NAALADL2: variants seen among roughly 807,000 people sequenced by gnomAD.
The protein encoded by NAALADL2 is inactive N-acetylated-alpha-linked acidic dipeptidase-like protein 2.
Under a neutral mutation model 87.2 loss-of-function variants are expected in NAALADL2, and 76 were observed. That is an observed-to-expected ratio of 0.87 (90% CI 0.72 to 1.05). The LOEUF (loss-of-function observed/expected upper bound fraction) is 1.05, where lower values mean the gene tolerates loss of function less well. NAALADL2 is among the 50% of genes least tolerant of loss of function. NAALADL2 has a pLI of 0.00. For missense variants in NAALADL2, 1,089 were observed against 945.8 expected (o/e 1.15, Z -1.99); for synonymous variants, 354 against 331.0 (o/e 1.07, Z -0.75).
At chr3:174,776,003 T>C (rs1396706334) in intron 3 of NAALADL2, among the ~76,000 whole-genome samples, 2 of 152,256 alleles carry the variant, frequency 1.3e-5, no homozygotes, top group South Asian at 2.1e-4. Context: ...TATTGCATAT[T>C]TATTTGTTGT....
intron 1 of NAALADL2, among the ~76,000 whole-genome samples, chr3:174,957,901 A>T (rs1020322455): frequency 1.6e-4 from 25 of 152,138 alleles, no homozygotes; most frequent in African/African-American, 5.8e-4. Flanking sequence ...TCCTGCCTCA[A>T]CTTGCAAACT....
intron 5 of NAALADL2, among the ~76,000 whole-genome samples, chr3:175,363,634 T>A (rs1287479675): frequency 1.4e-5 from 2 of 148,126 alleles, no homozygotes; most frequent in African/African-American, 4.9e-5. Context: ...TACCTTAATA[T>A]GAAATCATTC....
At chr3:175,648,880 TTC>T (rs1730378672) in intron 11 of NAALADL2, among the ~76,000 whole-genome samples, 1 of 152,242 alleles carries the variant, frequency 6.6e-6, no homozygotes, top group African/African-American at 2.4e-5. Flanking sequence ...GTCATTTGTC[TTC>T]TCTCTTCATA....
intron 9 of NAALADL2, among the ~76,000 whole-genome samples, chr3:175,562,120 T>C (rs1173064512): frequency 1.3e-5 from 2 of 152,152 alleles, no homozygotes; most frequent in African/African-American, 4.8e-5. Flanking sequence ...GAAGAGAGAA[T>C]TTCCAAGGTA....
chr3:175,136,089 G>A (rs1036572455), intron 2 of NAALADL2, among the ~76,000 whole-genome samples: 2 of 152,152 alleles, frequency 1.3e-5, no homozygotes, highest in African/African-American at 4.8e-5. Context: ...TACTCCTTAG[G>A]GTGTAGAGAG....
At chr3:174,516,457 C>T (rs1251922960) in intron 1 of NAALADL2, among the ~76,000 whole-genome samples, 1 of 151,988 alleles carries the variant, frequency 6.6e-6, no homozygotes, top group Non-Finnish European at 1.5e-5. Context: ...CGTTCCACTT[C>T]TGCCTGGTAA....
intron 1 of NAALADL2, among the ~76,000 whole-genome samples, chr3:175,090,543 G>A (rs1047361194): frequency 4.0e-5 from 6 of 149,364 alleles, no homozygotes; most frequent in East Asian, 4.0e-4. Context: ...AAATTTACAC[G>A]AACTGACTGG....
chr3:174,767,815 G>A (rs966574179), intron 3 of NAALADL2, among the ~76,000 whole-genome samples: 1 of 152,164 alleles, frequency 6.6e-6, no homozygotes, highest in African/African-American at 2.4e-5. Context: ...TTGTTTTCCT[G>A]TGAAGTTCCT....
chr3:175,413,806 T>A (rs2149098789), intron 5 of NAALADL2, among the ~76,000 whole-genome samples: 1 of 151,880 alleles, frequency 6.6e-6, no homozygotes, highest in Non-Finnish European at 1.5e-5. Flanking sequence ...ATGGGATAGG[T>A]TAAAAGGTTT....
chr3:174,885,586 C>G (rs1560323860), intron 1 of NAALADL2, among the ~76,000 whole-genome samples: 1 of 152,070 alleles, frequency 6.6e-6, no homozygotes, highest in African/African-American at 2.4e-5. Flanking sequence ...TCAGTGTACT[C>G]CATACTATTA....
chr3:174,611,999 CT>C (rs1209874560), intron 2 of NAALADL2, among the ~76,000 whole-genome samples: 4 of 151,904 alleles, frequency 2.6e-5, no homozygotes, highest in Admixed American at 1.3e-4. Flanking sequence ...AATCCCTCAG[CT>C]TTTCTTTGTC....
chr3:174,711,923 C>T (rs1301792366), intron 2 of NAALADL2, among the ~76,000 whole-genome samples: 2 of 152,068 alleles, frequency 1.3e-5, no homozygotes, highest in Admixed American at 6.6e-5. Context: ...CCTCAGCCTC[C>T]CGAGTAGCTG....
intron 2 of NAALADL2, among the ~76,000 whole-genome samples, chr3:174,667,115 C>G (rs923294372): frequency 6.6e-6 from 1 of 152,094 alleles, no homozygotes; most frequent in African/African-American, 2.4e-5. Context: ...TACCTCTTGG[C>G]TACTGTGAAT....
rs80018027 is a variant in NAALADL2 at position 175,792,031 on chromosome 3, T to C, written c.2190-10974T>C. On this transcript the variant is annotated intron_variant, in intron 13 of 13. Coordinates refer to ENST00000454872, the MANE Select transcript of NAALADL2 (RefSeq NM_207015.3). The stretch of plus-strand genomic sequence containing the variant: ...TCTAGTACTTGCATTTAAAAAAAAA[T>C]AAATGGTACTTTGAAATGAGATGAT... Among the ~76,000 whole-genome samples the C allele has an allele frequency of 1.8e-3, 280 of 152,046 alleles. 14 individuals carry two copies. The East Asian group carries it at 0.049, about 26-fold the overall frequency.
intron 10 of NAALADL2, among the ~76,000 whole-genome samples, chr3:175,582,758 G>C (rs75990759): frequency 6.6e-6 from 1 of 152,070 alleles, no homozygotes; most frequent in African/African-American, 2.4e-5. Context: ...AAACTCAGTC[G>C]TATAAACAAT....
intron 9 of NAALADL2, among the ~76,000 whole-genome samples, chr3:175,550,701 A>T (rs140318748): frequency 3.9e-5 from 6 of 152,284 alleles, no homozygotes; most frequent in African/African-American, 1.4e-4. Flanking sequence ...TGAAATAAAC[A>T]ATGATGGCAA....
At chr3:175,679,051 G>A (rs572799428) in intron 11 of NAALADL2, among the ~76,000 whole-genome samples, 1 of 151,828 alleles carries the variant, frequency 6.6e-6, no homozygotes, top group African/African-American at 2.4e-5. Flanking sequence ...TAGGGGTGGG[G>A]GTCACAAGGT....
chr3:175,689,167 G>C (rs1736709804), intron 11 of NAALADL2, among the ~76,000 whole-genome samples: 1 of 152,092 alleles, frequency 6.6e-6, no homozygotes, highest in Non-Finnish European at 1.5e-5. Flanking sequence ...GAAGACAAAA[G>C]AATAAATTAG....
intron 3 of NAALADL2, among the ~76,000 whole-genome samples, chr3:174,744,574 G>A (rs960330740): frequency 6.6e-6 from 1 of 152,076 alleles, no homozygotes; most frequent in Admixed American, 6.6e-5. Flanking sequence ...TTCAGAACTT[G>A]AACTCAGCTC....
Sources: allele counts gnomAD v4.1 joint callset (sites outside exome capture counted in the v4.1 genomes callset), GRCh38; gene constraint gnomAD v4.1.1; transcripts MANE v1.5; gene names NCBI Gene and HGNC (gene_info 2026-07-23, HGNC 2026-07-21).